CPED1: variants seen among roughly 807,000 people sequenced by gnomAD.
The protein encoded by CPED1 is cadherin-like and PC-esterase domain-containing protein 1.
CPED1 carries 114 observed loss-of-function variants against 128.2 expected under a neutral mutation model. The ratio of observed to expected loss-of-function variants is 0.89; its 90% confidence interval spans 0.76 to 1.04. CPED1 has a LOEUF of 1.04. CPED1 is among the 50% of genes least tolerant of loss of function. The pLI is 0.00. For missense variants in CPED1, 1,211 were observed against 1,207.1 expected (o/e 1.00, Z -0.05); for synonymous variants, 462 against 426.7 (o/e 1.08, Z -1.02).
rs1485621978 is a variant in CPED1, at chr7:121,271,289, A to G, written c.2727A>G (p.Glu909=). ...TTCTTCTGCTTTCCAATCAGAGTGA[A>G]GTACAGAACTTATGGAAAGAAAATT... ...VDGVHFLTQS[E]VQNLWKENLI... is the part of the protein sequence containing the mutation. Residue 909 remains glutamate, a synonymous_variant, in exon 22 of 23, where the codon GAA becomes GAG. Coordinates refer to ENST00000310396, the MANE Select transcript of CPED1 (RefSeq NM_024913.5). 2 of 1,607,604 alleles carry G rather than the reference A, an allele frequency of 1.2e-6. No individual in the cohort carries two copies. Among genetic ancestry groups the G allele is most frequent in the South Asian group, 2.2e-5 (2 of 89,594 alleles).
At chr7:121,069,521 T>A (rs1793936983) in intron 5 of CPED1, among the ~76,000 whole-genome samples, 1 of 152,082 alleles carries the variant, frequency 6.6e-6, no homozygotes, top group Non-Finnish European at 1.5e-5. Flanking sequence ...AGTGGAGTGA[T>A]TGGAGATCGC....
At chr7:121,218,908 A>G (rs954283225) in intron 16 of CPED1, among the ~76,000 whole-genome samples, 1 of 152,018 alleles carries the variant, frequency 6.6e-6, no homozygotes, top group Non-Finnish European at 1.5e-5. Context: ...CCTATTACCT[A>G]TTTCCAATCA....
chr7:121,131,654 A>G (rs952614279), intron 12 of CPED1, among the ~76,000 whole-genome samples: 1 of 151,994 alleles, frequency 6.6e-6, no homozygotes, highest in African/African-American at 2.4e-5. Context: ...TAATAAGAAA[A>G]TTTACTAATG....
chr7:121,217,825 T>A (rs1797790465), intron 16 of CPED1, among the ~76,000 whole-genome samples: 1 of 152,000 alleles, frequency 6.6e-6, no homozygotes, highest in African/African-American at 2.4e-5. Context: ...GTAGAACTTG[T>A]TTGTAAATGT....
chr7:121,141,050 T>C (rs1452014316), intron 15 of CPED1, 37 bp downstream of exon 15: 2 of 1,506,236 alleles, frequency 1.3e-6, no homozygotes, highest in East Asian at 2.4e-5. Context: ...TGAGACACTA[T>C]ACTGGGAAGT....
rs563337097 is a variant in CPED1 at position 121,171,586 on chromosome 7, G to A, written c.2055+29445G>A. Among the ~76,000 whole-genome samples the A allele has an allele frequency of 2.0e-5, 3 of 152,144 alleles. No homozygotes were observed. In the South Asian group the frequency reaches 6.2e-4, roughly 32 times the overall value. On this transcript the variant is annotated intron_variant, in intron 16 of 22. Coordinates refer to ENST00000310396, the MANE Select transcript of CPED1 (RefSeq NM_024913.5). The stretch of plus-strand genomic sequence containing the variant: ...AGCCTGTTCCCCCAGTGGTTTCTCT[G>A]GAACCTAAACATGTTATTAAACATA...
intron 16 of CPED1, among the ~76,000 whole-genome samples, chr7:121,219,100 A>G (rs1298253780): frequency 6.6e-6 from 1 of 152,100 alleles, no homozygotes; most frequent in Non-Finnish European, 1.5e-5. Context: ...GTCAAAAAGA[A>G]CTGAATGTTG....
At chr7:121,052,866 C>T (rs1328620949) in intron 4 of CPED1, among the ~76,000 whole-genome samples, 2 of 152,046 alleles carry the variant, frequency 1.3e-5, no homozygotes, top group South Asian at 2.1e-4. Context: ...GGATTACAGG[C>T]ATGCATCACC....
intron 18 of CPED1, among the ~76,000 whole-genome samples, chr7:121,250,162 G>A (rs995203840): frequency 5.9e-5 from 9 of 152,192 alleles, no homozygotes; most frequent in Non-Finnish European, 1.3e-4. Flanking sequence ...TCAGGATTAA[G>A]AAACTCACTC....
rs914011293 is a variant in CPED1, at chr7:121,279,444, T to A, written c.2868+8014T>A. Among the ~76,000 whole-genome samples, 10 of 149,302 alleles carry A rather than the reference T, an allele frequency of 6.7e-5. No individual in the cohort carries two copies. The South Asian group carries it at 2.1e-3, about 32-fold the overall frequency. On this transcript the variant is annotated intron_variant, in intron 22 of 22. Coordinates refer to ENST00000310396, the MANE Select transcript of CPED1 (RefSeq NM_024913.5). ...TAAAGACATAAAGCTACTCACTCAC[T>A]CCCCACCCCCCGCCACAAAGAAAAA... is the stretch of plus-strand genomic sequence containing the variant.
intron 16 of CPED1, among the ~76,000 whole-genome samples, chr7:121,177,562 C>A (rs890553195): frequency 9.2e-5 from 14 of 151,884 alleles, no homozygotes; most frequent in African/African-American, 2.2e-4. Context: ...GTGTACAAGC[C>A]AAACAAAATG....
At chr7:121,085,073 A>C (rs377512742) in intron 5 of CPED1, among the ~76,000 whole-genome samples, 1 of 138,732 alleles carries the variant, frequency 7.2e-6, no homozygotes. Context: ...TTACAGCTAT[A>C]TTCACCGTTT....
intron 2 of CPED1, among the ~76,000 whole-genome samples, chr7:121,000,310 C>G (rs1030425921): frequency 6.6e-6 from 1 of 152,110 alleles, no homozygotes; most frequent in African/African-American, 2.4e-5. Context: ...AACTTTTGCA[C>G]TTTTTGGAGA....
intron 7 of CPED1, among the ~76,000 whole-genome samples, chr7:121,111,535 C>T (rs1449130950): frequency 6.6e-6 from 1 of 152,038 alleles, no homozygotes; most frequent in African/African-American, 2.4e-5. Flanking sequence ...GTAGAGTGGT[C>T]TAGTGTGATG....
chr7:121,086,847 A>C (rs1195919234), intron 5 of CPED1, among the ~76,000 whole-genome samples: 1 of 152,218 alleles, frequency 6.6e-6, no homozygotes, highest in South Asian at 2.1e-4. Context: ...AACATTCTTG[A>C]GTTTACCCTC....
intron 5 of CPED1, among the ~76,000 whole-genome samples, chr7:121,081,545 T>C (rs1025041014): frequency 2.0e-5 from 3 of 152,160 alleles, no homozygotes; most frequent in Admixed American, 6.6e-5. Flanking sequence ...CTTTCTCTTT[T>C]CTTCTGCGTC....
intron 16 of CPED1, among the ~76,000 whole-genome samples, chr7:121,232,869 TG>T (rs970022596): frequency 1.3e-5 from 2 of 152,104 alleles, no homozygotes; most frequent in African/African-American, 4.8e-5. Context: ...AATAATTCCA[TG>T]GGGTCAATAG....
rs798911 is a variant in CPED1, at chr7:121,271,408, A to C, written c.2846A>C (p.Lys949Thr). The change falls in exon 22 of 23, where the codon AAG becomes ACG. Residue 949 changes from lysine (K) to threonine (T), a missense_variant. By Grantham distance (78) the Lys-to-Thr change is moderately conservative. Transcript: ENST00000310396. ...CGTTACAAAGAGTTTCTACAGGGGA[A>C]GTGTGGATGTCATTTCCATGAGGTA... ...MGRYKEFLQGKCGCHFHEVVK... is the reference protein window; with the variant it reads ...MGRYKEFLQGTCGCHFHEVVK... The C allele has an allele frequency of 3.5e-3, 5,598 of 1,612,742 alleles. 194 individuals carry two copies. The African/African-American group carries it at 0.065, about 19-fold the overall frequency.
chr7:121,066,984 G>C (rs1458680442), intron 5 of CPED1, among the ~76,000 whole-genome samples: 6 of 152,172 alleles, frequency 3.9e-5, no homozygotes, highest in Non-Finnish European at 7.4e-5. Context: ...GGATTGCATA[G>C]ATTATATGCA....
Sources: allele counts gnomAD v4.1 joint callset (sites outside exome capture counted in the v4.1 genomes callset), GRCh38; gene constraint gnomAD v4.1.1; transcripts MANE v1.5; gene names NCBI Gene and HGNC (gene_info 2026-07-23, HGNC 2026-07-21).